Variants in NELFA observed in about 807,000 individuals in gnomAD.
The protein encoded by NELFA is negative elongation factor complex member A, also known as negative elongation factor A.
In NELFA, 35 loss-of-function variants were observed where a neutral mutation model predicts 51.8. The ratio of observed to expected loss-of-function variants is 0.68; its 90% CI spans 0.52 to 0.90. NELFA has a LOEUF of 0.90. Ranked by LOEUF, NELFA falls within the 40% of genes least tolerant of loss-of-function variation. NELFA has a pLI of 0.00. For synonymous variants in NELFA, 417 were observed against 338.4 expected, an observed-to-expected ratio of 1.23 and a Z score of -2.55; for missense variants, 658 against 746.4, an observed-to-expected ratio of 0.88 and a Z score of 1.38.
chr4:1,992,778 T>C (rs1310788487), intron 1 of NELFA, among the ~76,000 whole-genome samples: 1 of 152,158 alleles, frequency 6.6e-6, no homozygotes, highest in Non-Finnish European at 1.5e-5. Flanking sequence ...CTGAGGGAAG[T>C]TGGCTCGAAG....
At chr4:2,003,642 A>T (rs1010835686) in intron 1 of NELFA, among the ~76,000 whole-genome samples, 4 of 152,178 alleles carry the variant, frequency 2.6e-5, no homozygotes, top group Non-Finnish European at 5.9e-5. Flanking sequence ...AAAACCAAAC[A>T]TTGCATGTTC....
Position 1,983,223 on chromosome 4 carries a change from C to CG in NELFA, c.*95dup. The CG allele has an allele frequency of 7.4e-7, 1 of 1,343,958 alleles. No homozygotes were observed. The highest frequency in any genetic ancestry group is 2.4e-5 in the East Asian group (1 of 41,976). 83.3% of individuals were successfully genotyped at this position (1,343,958 alleles called of 1,614,324 possible). A position where few individuals can be genotyped will look rare whatever the true frequency, so the allele number is the denominator to read the frequency against. On this transcript the variant is annotated 3_prime_UTR_variant, in exon 11 of 11. Coordinates refer to ENST00000382882, the MANE Select transcript of NELFA (RefSeq NM_005663.5). The stretch of plus-strand genomic sequence containing the variant: ...CAGCAGGGCGGCGGCCGGGGGACCT[C>CG]GGGGGCCAGGTGTCCGCCATCCGGT...
chr4:1,992,890 C>T (rs1185411892), intron 1 of NELFA, among the ~76,000 whole-genome samples: 1 of 152,224 alleles, frequency 6.6e-6, no homozygotes, highest in African/African-American at 2.4e-5. Context: ...AAGAACCCCC[C>T]GCGTGGCCCA....
chr4:1,984,107 G>C lies in NELFA; in HGVS notation c.1043C>G (p.Ser348Cys). The C allele has an allele frequency of 6.4e-7, 1 of 1,565,002 alleles. No individual in the cohort carries two copies. The highest frequency in any genetic ancestry group is 1.8e-5 in the Admixed American group (1 of 54,230). Residue 348 changes from serine (S) to cysteine (C), a missense_variant, in exon 9 of 11, where the codon TCT (serine) becomes TGT (cysteine). Physicochemically the swap from Ser to Cys is moderately radical, Grantham distance 112. This residue lies in a region of NELFA where 200 missense variants were observed against 167.9 expected (regional missense o/e 1.19). Coordinates refer to ENST00000382882, the MANE Select transcript of NELFA (RefSeq NM_005663.5). ...IPSSETPPAP[S>C]SREASRPPEE... ...TGGTGGGCGGCTGGCTTCCCGGGAA[G>C]ATGGGGCTGCAAGTAGACCGGGGCC...
Position 1,984,914 on chromosome 4 carries a change from A to G in NELFA, c.930T>C (p.Leu310=), listed in dbSNP as rs777959828. 1 of 1,568,792 alleles carries G rather than the reference A, an allele frequency of 6.4e-7. No individual in the cohort carries two copies. The highest frequency in any genetic ancestry group is 1.3e-5 in the African/African-American group (1 of 74,092). The change falls in exon 8 of 11, where the codon CTT becomes CTC. Residue 310 remains leucine, a synonymous_variant. Transcript: ENST00000382882. The stretch of plus-strand genomic sequence containing the variant: ...GCGCAGGCTCATTGTTCAGGGACCC[A>G]AGTTTCTGGAACACAGAGTTTAAGG... ...YAAGLVSTQK[L]GSLNNEPALP... is the part of the protein sequence containing the mutation.
At chr4:1,986,483 C>G (rs752571646) in intron 4 of NELFA, 81 bp from the exon 5 acceptor site, 2 of 1,600,284 alleles carry the variant, frequency 1.2e-6, no homozygotes, top group Non-Finnish European at 1.7e-6. Context: ...GTCCCACCCT[C>G]TTCTAGGCTA....
chr4:1,984,110 G>A lies in NELFA; in HGVS notation c.1040C>T (p.Pro347Leu), dbSNP rs1398796610. 2 of 1,562,364 alleles carry A rather than the reference G, an allele frequency of 1.3e-6. No homozygotes were observed. The highest frequency in any genetic ancestry group is 2.3e-5 in the East Asian group (1 of 44,188). The change falls in exon 9 of 11, where the codon CCA becomes CTA. Residue 347 changes from proline to leucine, a missense_variant. Physicochemically the swap from Pro to Leu is moderately conservative, Grantham distance 98. This residue lies in a region of NELFA where 200 missense variants were observed against 167.9 expected (regional missense o/e 1.19). Transcript: ENST00000382882. ...TGGGCGGCTGGCTTCCCGGGAAGAT[G>A]GGGCTGCAAGTAGACCGGGGCCTGG... is the stretch of plus-strand genomic sequence containing the variant. ...YIPSSETPPA[P>L]SSREASRPPE...
At chr4:1,988,450 C>T (rs537783835) in intron 3 of NELFA, among the ~76,000 whole-genome samples, 10 of 152,360 alleles carry the variant, frequency 6.6e-5, no homozygotes, top group African/African-American at 1.4e-4. Context: ...CAGGGGACAC[C>T]GAGTGCCCAA....
chr4:1,986,749 G>A (rs957064795), intron 4 of NELFA, among the ~76,000 whole-genome samples: 4 of 123,450 alleles, frequency 3.2e-5, no homozygotes, highest in Non-Finnish European at 6.8e-5. Context: ...CTGGGCTTGA[G>A]GGCCGCCCTC....
chr4:2,003,842 T>G (rs1728638624), intron 1 of NELFA: 1 of 151,688 alleles, frequency 6.6e-6, no homozygotes, highest in Admixed American at 6.6e-5. Flanking sequence ...GCATCCTTTT[T>G]TTTTTTTTTT....
intron 8 of NELFA, 36 bp downstream of exon 8, chr4:1,984,772 G>A: frequency 6.7e-7 from 1 of 1,485,572 alleles, no homozygotes; most frequent in Non-Finnish European, 9.2e-7. Flanking sequence ...CTGGCAGGCA[G>A]CTTGGCTGGT....
chr4:1,987,714 G>A (rs1026513829), intron 4 of NELFA: 20 of 562,052 alleles, frequency 3.6e-5, no homozygotes, highest in East Asian at 1.8e-4. Flanking sequence ...TCCTGTCTCC[G>A]TGCCCACACA....
At position 1,989,806 on chromosome 4, in the gene NELFA, A is replaced by G; in HGVS notation, c.446T>C (p.Leu149Pro). 1 of 1,614,184 alleles carries G rather than the reference A, an allele frequency of 6.2e-7. No homozygotes were observed. The highest frequency in any genetic ancestry group is 1.3e-5 in the African/African-American group (1 of 75,058). ...LECQYLNKNA[L>P]TTLAGPLTPP... Reference sequence around the variant, plus strand: ...AGTGAGGGGTCCCGCGAGGGTCGTCAGGGCGTTTTTGTTCAAGTACTGGCA... The same window carrying G: ...AGTGAGGGGTCCCGCGAGGGTCGTCGGGGCGTTTTTGTTCAAGTACTGGCA... The change falls in exon 3 of 11, where the codon CTG (leucine) becomes CCG (proline). Residue 149 changes from leucine (L) to proline (P), a missense_variant. Physicochemically the swap from Leu to Pro is moderately conservative, Grantham distance 98 (BLOSUM62 -3). This residue lies in a region of NELFA where 371 missense variants were observed against 448.3 expected (regional missense o/e 0.83). Coordinates refer to ENST00000382882, the MANE Select transcript of NELFA (RefSeq NM_005663.5). The surrounding 1 kb of genome is among the most constrained non-coding windows in gnomAD (Gnocchi z 4.8).
chr4:1,995,627 A>T (rs903353701), intron 1 of NELFA, among the ~76,000 whole-genome samples: 2 of 152,252 alleles, frequency 1.3e-5, no homozygotes, highest in Non-Finnish European at 2.9e-5. Context: ...TCCAAGAAAC[A>T]TACATATAAA....
chr4:1,987,790 G>A (rs866096549), intron 4 of NELFA, 128 bp downstream of exon 4: 26 of 780,150 alleles, frequency 3.3e-5, no homozygotes, highest in Middle Eastern at 3.8e-4. Context: ...GCTTTCCCAC[G>A]GGCTCCCAAC....
rs201479105 is a variant in NELFA at position 1,987,957 on chromosome 4, C to T, written c.595G>A (p.Ala199Thr). The T allele has an allele frequency of 3.0e-5, 49 of 1,611,094 alleles. No individual in the cohort carries two copies. The highest frequency in any genetic ancestry group is 1.1e-4 in the East Asian group (5 of 44,834). Reference sequence around the variant, plus strand: ...TTCCGCAGCAGCCCCCGGCCCTTGGCGTGGAAGGGCACCCCGGCGCTCCGC... The same window carrying T: ...TTCCGCAGCAGCCCCCGGCCCTTGGTGTGGAAGGGCACCCCGGCGCTCCGC... ...LKRSAGVPFH[A>T]KGRGLLRKMD... The change falls in exon 4 of 11, where the codon GCC becomes ACC. Residue 199 changes from alanine (A) to threonine (T), a missense_variant. Ala to Thr is a moderately conservative substitution (Grantham distance 58). Coordinates refer to ENST00000382882, the MANE Select transcript of NELFA (RefSeq NM_005663.5).
chr4:2,007,963 C>G (rs1431741062), intron 1 of NELFA: 2 of 456,896 alleles, frequency 4.4e-6, no homozygotes, highest in South Asian at 3.1e-5. Flanking sequence ...GAAAACAAAC[C>G]TCACACACCC....
intron 2 of NELFA, among the ~76,000 whole-genome samples, chr4:1,990,745 A>G (rs974344405): frequency 4.6e-5 from 7 of 152,266 alleles, no homozygotes; most frequent in African/African-American, 1.7e-4. Flanking sequence ...AGAGAAACTC[A>G]GAAAAGCACA....
chr4:1,988,065 G>C (rs1728162843), intron 3 of NELFA, 58 bp from the exon 4 acceptor site: 1 of 1,419,440 alleles, frequency 7.0e-7, no homozygotes, highest in East Asian at 2.3e-5. Context: ...CTTGGCCCTT[G>C]TAAAAACATC....
Sources: gnomAD v4.1 joint callset for allele counts (sites outside exome capture counted in the v4.1 genomes callset) on GRCh38, gnomAD v4.1.1 for gene constraint, gnomAD v4.1.1 regional missense constraint, Gnocchi (gnomAD v3.1) non-coding constraint, MANE v1.5 for transcripts, NCBI Gene and HGNC (gene_info 2026-07-23, HGNC 2026-07-21) for gene names.